Variants in LYPLAL1 observed in about 807,000 individuals in gnomAD.
LYPLAL1 encodes lysophospholipase-like protein 1.
Under a neutral mutation model 19.7 loss-of-function variants are expected in LYPLAL1, and 23 were observed. That is an observed-to-expected ratio of 1.17 (90% confidence interval 0.84 to 1.65). LYPLAL1 has a LOEUF of 1.65. LYPLAL1 is among the 40% of genes most tolerant of loss of function. The pLI is 0.00. For missense variants in LYPLAL1, 355 were observed against 279.4 expected, an observed-to-expected ratio of 1.27 and a Z score of -1.93; for synonymous variants, 119 against 96.3, an observed-to-expected ratio of 1.24 and a Z score of -1.38.
chr1:219,291,532 G>A, the LYPLAL1 span, among the ~76,000 whole-genome samples: 2 of 152,048 alleles, frequency 1.3e-5, no homozygotes, highest in African/African-American at 4.8e-5. Context: ...ATGTTTCAGG[G>A]GTGTTAAGCC....
At chr1:219,215,534 C>A (rs1342817749), downstream of LYPLAL1, among the ~76,000 whole-genome samples, 2 of 152,082 alleles carry the variant, frequency 1.3e-5, no homozygotes, top group African/African-American at 4.8e-5. Context: ...CCATGGTGAT[C>A]AGTAGTCTGC....
chr1:219,419,590 C>CAG, the LYPLAL1 span, among the ~76,000 whole-genome samples: 138 of 61,398 alleles, frequency 2.2e-3, no homozygotes, highest in Middle Eastern at 0.019. Flanking sequence ...CACACACACA[C>CAG]ACACAGAGAG....
At chr1:219,174,802 T>G in intron 1 of LYPLAL1, 8 of 662,606 alleles carry the variant, frequency 1.2e-5, no homozygotes, top group South Asian at 6.7e-5. Flanking sequence ...TTTAAAGAAA[T>G]GAGATGCAGC....
chr1:219,246,755 G>T, the LYPLAL1 span, among the ~76,000 whole-genome samples: 1 of 151,984 alleles, frequency 6.6e-6, no homozygotes, highest in Non-Finnish European at 1.5e-5. Context: ...CCAGCTAATT[G>T]TTGTATTTTT....
chr1:219,200,698 T>C, intron 3 of LYPLAL1: 1 of 243,342 alleles, frequency 4.1e-6, no homozygotes, highest in Non-Finnish European at 8.4e-6. Flanking sequence ...GAGCTACACA[T>C]CTTGATCTGC....
At chr1:219,295,008 A>G in the LYPLAL1 span, among the ~76,000 whole-genome samples, 31 of 152,120 alleles carry the variant, frequency 2.0e-4, no homozygotes, top group African/African-American at 7.5e-4. Flanking sequence ...AGGCACCAGG[A>G]GTTATGAGCA....
At chr1:219,322,881 T>C in the LYPLAL1 span, among the ~76,000 whole-genome samples, 2 of 152,230 alleles carry the variant, frequency 1.3e-5, no homozygotes, top group East Asian at 3.8e-4. Flanking sequence ...TTTTAGATTT[T>C]AAGGCTGGAT....
the LYPLAL1 span, among the ~76,000 whole-genome samples, chr1:219,367,490 A>C: frequency 1.3e-5 from 2 of 152,174 alleles, no homozygotes; most frequent in Non-Finnish European, 2.9e-5. Flanking sequence ...AAGAGCATAA[A>C]ATTAACCCCT....
chr1:219,317,730 C>T, the LYPLAL1 span, among the ~76,000 whole-genome samples: 1 of 152,242 alleles, frequency 6.6e-6, no homozygotes, highest in South Asian at 2.1e-4. Context: ...GGCATAAATG[C>T]TTGGTTTAAT....
the LYPLAL1 span, among the ~76,000 whole-genome samples, chr1:219,311,577 TC>T: frequency 6.6e-6 from 1 of 151,994 alleles, no homozygotes; most frequent in Non-Finnish European, 1.5e-5. Context: ...TTTTCATCTT[TC>T]TATCATTCTC....
the LYPLAL1 span, among the ~76,000 whole-genome samples, chr1:219,383,512 A>G: frequency 6.6e-6 from 1 of 152,222 alleles, no homozygotes; most frequent in African/African-American, 2.4e-5. Context: ...CACAGGCCAC[A>G]TCTCTGATGG....
chr1:219,416,439 G>C, the LYPLAL1 span, among the ~76,000 whole-genome samples: 1 of 152,168 alleles, frequency 6.6e-6, no homozygotes, highest in Non-Finnish European at 1.5e-5. Flanking sequence ...GCTTTGCCTA[G>C]TAAAGAATTC....
At chr1:219,413,883 G>T in the LYPLAL1 span, among the ~76,000 whole-genome samples, 1 of 152,204 alleles carries the variant, frequency 6.6e-6, no homozygotes, top group African/African-American at 2.4e-5. Flanking sequence ...ACTTTCCAGA[G>T]TGTGTTCTGC....
chr1:219,256,051 T>C, the LYPLAL1 span, among the ~76,000 whole-genome samples: 1 of 151,830 alleles, frequency 6.6e-6, no homozygotes, highest in Non-Finnish European at 1.5e-5. Flanking sequence ...AATATTCTCA[T>C]CAGATTTTTC....
the LYPLAL1 span, among the ~76,000 whole-genome samples, chr1:219,256,097 G>A: frequency 6.6e-6 from 1 of 151,804 alleles, no homozygotes; most frequent in Non-Finnish European, 1.5e-5. Flanking sequence ...GTGAGTTAGG[G>A]AAATGATCCT....
the LYPLAL1 span, among the ~76,000 whole-genome samples, chr1:219,254,790 G>C: frequency 4.6e-5 from 7 of 151,860 alleles, no homozygotes; most frequent in African/African-American, 7.3e-5. Flanking sequence ...GCAGTTCTCT[G>C]TATTAACTGA....
chr1:219,388,501 A>G, the LYPLAL1 span, among the ~76,000 whole-genome samples: 1 of 152,146 alleles, frequency 6.6e-6, no homozygotes, highest in Non-Finnish European at 1.5e-5. Context: ...TCCAAACTCT[A>G]AAAAGAGAGA....
At chr1:219,406,504 C>T in the LYPLAL1 span, among the ~76,000 whole-genome samples, 5 of 152,086 alleles carry the variant, frequency 3.3e-5, no homozygotes, top group African/African-American at 1.2e-4. Flanking sequence ...CTACTAGGCT[C>T]TAGTTACATT....
chr1:219,276,513 C>T, the LYPLAL1 span, among the ~76,000 whole-genome samples: 1 of 152,150 alleles, frequency 6.6e-6, no homozygotes, highest in Non-Finnish European at 1.5e-5. Flanking sequence ...GTAAATTGAG[C>T]AAAAACGCTT....
Sources: gnomAD v4.1 joint callset for allele counts (sites outside exome capture counted in the v4.1 genomes callset) on GRCh38, gnomAD v4.1.1 for gene constraint, MANE v1.5 for transcripts, NCBI Gene and HGNC (gene_info 2026-07-23, HGNC 2026-07-21) for gene names.